The following STAB2 variants were observed in gnomAD, a reference collection of about 807,000 sequenced individuals.
STAB2 encodes stabilin 2, also known as stabilin-2.
STAB2 carries 288 observed loss-of-function variants against 338.1 expected under a neutral mutation model. The observed-to-expected ratio is 0.85, with a 90% confidence interval of 0.77 to 0.94. STAB2 has a LOEUF of 0.94. STAB2 is among the 40% of genes least tolerant of loss of function. STAB2 has a pLI of 0.00. For missense variants in STAB2, 3,141 were observed against 3,210.1 expected, an observed-to-expected ratio of 0.98 and a Z score of 0.52; for synonymous variants, 1,202 against 1,193.3, an observed-to-expected ratio of 1.01 and a Z score of -0.15.
intron 44 of STAB2, among the ~76,000 whole-genome samples, chr12:103,723,959 G>A (rs959779717): frequency 3.9e-5 from 6 of 152,188 alleles, no homozygotes; most frequent in African/African-American, 1.4e-4. Context: ...CTCAGGAGCA[G>A]TCAGTGCACT....
At chr12:103,699,546 T>C (rs1352973527) in intron 34 of STAB2, among the ~76,000 whole-genome samples, 1 of 152,102 alleles carries the variant, frequency 6.6e-6, no homozygotes, top group Admixed American at 6.5e-5. Context: ...TGAGACTTAT[T>C]CACTATCACG....
Position 103,670,722 on chromosome 12 carries a change from G to A in STAB2, c.2286G>A (p.Gly762=). ...GTGCAGATAGCCTCGGCGGCAACGG[G>A]ACATGCATTTGTGAGGAGGGCTTCC... ...GQCADSLGGN[G]TCICEEGFQG... The change falls in exon 22 of 69, where the codon GGG becomes GGA. Residue 762 remains glycine, a synonymous_variant. Coordinates refer to ENST00000388887, the MANE Select transcript of STAB2 (RefSeq NM_017564.10). The A allele has an allele frequency of 6.2e-7, 1 of 1,614,158 alleles. No individual in the cohort carries two copies. The highest frequency in any genetic ancestry group is 8.5e-7 in the Non-Finnish European group (1 of 1,180,000).
At chr12:103,669,281 T>C (rs1465289135) in intron 20 of STAB2, 4 of 418,592 alleles carry the variant, frequency 9.6e-6, no homozygotes, top group South Asian at 4.4e-5. Context: ...ACTTAGAACG[T>C]TGGCTCCACA....
chr12:103,694,372 C>T (rs979278582), intron 31 of STAB2, among the ~76,000 whole-genome samples: 5 of 152,080 alleles, frequency 3.3e-5, no homozygotes, highest in African/African-American at 1.2e-4. Context: ...ACCTTAAGCC[C>T]CTCCTCCCCC....
Position 103,638,121 on chromosome 12 carries a change from G to A in STAB2, c.815G>A (p.Gly272Asp), listed in dbSNP as rs748363692. 9.3e-6 allele frequency: 15 copies of A among 1,614,198 alleles called. No homozygotes were observed. The highest frequency in any genetic ancestry group is 1.3e-5 in the Non-Finnish European group (15 of 1,180,044). ...CTCQEGYRGD[G>D]QVCLPVDPCQ... is the part of the protein sequence containing the mutation. ...TGCCAAGAAGGCTACCGTGGGGATG[G>A]CCAAGTGTGCTTGCCTGTGGACCCC... is the stretch of plus-strand genomic sequence containing the variant. The change falls in exon 8 of 69, where the codon GGC becomes GAC. Residue 272 changes from glycine to aspartate, a missense_variant. Transcript: ENST00000388887.
At chr12:103,647,859 A>T (rs1046830325) in intron 9 of STAB2, among the ~76,000 whole-genome samples, 1 of 152,180 alleles carries the variant, frequency 6.6e-6, no homozygotes, top group Admixed American at 6.5e-5. Flanking sequence ...CATTGTTTAC[A>T]TATTTATTTC....
chr12:103,753,392 T>C lies in STAB2; in HGVS notation c.6714+39T>C, dbSNP rs1346001322. 3.7e-6 allele frequency: 6 copies of C among 1,613,752 alleles called. No homozygotes were observed. In the South Asian group the frequency reaches 5.5e-5, roughly 15 times the overall value. ...TAGCAGATTCTGTGCAGACAGAGTC[T>C]GCAGGGGCGGAAGTGCAGCCCTTTC... On this transcript the variant is annotated intron_variant, in intron 61 of 68. Transcript: ENST00000388887.
At position 103,748,921 on chromosome 12, in the gene STAB2, C is replaced by T. The variant is rs374834210; in HGVS notation, c.6245-42C>T. Reference sequence around the variant, plus strand: ...ACCCTGACCTGAAGCCCTAGTTCCACAGAAGGTGGTAAGTTGAGCCCTCTC... The same window carrying T: ...ACCCTGACCTGAAGCCCTAGTTCCATAGAAGGTGGTAAGTTGAGCCCTCTC... On this transcript the variant is annotated intron_variant, in intron 58 of 68. Transcript: ENST00000388887. The T allele has an allele frequency of 3.2e-6, 5 of 1,582,108 alleles. No homozygotes were observed. The African/African-American group carries it at 5.4e-5, about 17-fold the overall frequency.
chr12:103,719,089 G>A (rs1376581849), intron 44 of STAB2, among the ~76,000 whole-genome samples: 1 of 152,084 alleles, frequency 6.6e-6, no homozygotes, highest in African/African-American at 2.4e-5. Flanking sequence ...TCTCAAACTG[G>A]GCTAGTCGCC....
At chr12:103,752,447 C>T (rs941262837) in intron 60 of STAB2, among the ~76,000 whole-genome samples, 2 of 152,164 alleles carry the variant, frequency 1.3e-5, no homozygotes, top group Non-Finnish European at 2.9e-5. Context: ...ATACAATGAA[C>T]TTGACAATAT....
At chr12:103,618,002 A>G (rs1957237331) in intron 3 of STAB2, among the ~76,000 whole-genome samples, 1 of 152,198 alleles carries the variant, frequency 6.6e-6, no homozygotes, top group Admixed American at 6.5e-5. Context: ...CCTCCATAGT[A>G]CCTGCATGTT....
chr12:103,626,805 G>A (rs1413066480), intron 5 of STAB2, among the ~76,000 whole-genome samples: 1 of 152,148 alleles, frequency 6.6e-6, no homozygotes, highest in African/African-American at 2.4e-5. Flanking sequence ...AATCTTCTGT[G>A]GGGGCACTCT....
rs1337065988 is a variant in STAB2, at chr12:103,677,560, T to C, written c.2754T>C (p.Ser918=). 2.4e-5 allele frequency: 39 copies of C among 1,614,006 alleles called. No homozygotes were observed. Among genetic ancestry groups the C allele is most frequent in the Admixed American group, 5.0e-5 (3 of 60,010 alleles). Residue 918 remains serine (S), a synonymous_variant, in exon 25 of 69, where the codon AGT becomes AGC. Coordinates refer to ENST00000388887, the MANE Select transcript of STAB2 (RefSeq NM_017564.10). Reference sequence around the variant, plus strand: ...AGATCAACAACTGCCTGCTGCCCAGTGCAGGCGGCTGCCACGACAACGCAT... The same window carrying C: ...AGATCAACAACTGCCTGCTGCCCAGCGCAGGCGGCTGCCACGACAACGCAT... ...CSEINNCLLP[S]AGGCHDNASC...
intron 31 of STAB2, among the ~76,000 whole-genome samples, chr12:103,695,290 C>T (rs1050363262): frequency 1.8e-4 from 27 of 152,170 alleles, no homozygotes; most frequent in African/African-American, 6.0e-4. Flanking sequence ...GAAAGTCTTT[C>T]GTGCAAGAAG....
chr12:103,748,585 CACACACACACACACACACAT>C lies in STAB2; in HGVS notation c.6245-358_6245-339del, dbSNP rs1307786555. 0.021 allele frequency among the ~76,000 whole-genome samples: 681 copies of C among 33,024 alleles called. 19 individuals carry two copies. The East Asian group carries it at 0.29, about 14-fold the overall frequency. The allele number at this position is 33,024 out of a possible 152,430, so 21.7% of individuals were successfully genotyped here. A position where few individuals can be genotyped will look rare whatever the true frequency, so the allele number is the denominator to read the frequency against. ...GCTCAATATTGTACTAACTCTACAC[CACACACACACACACACACAT>C]ACACACACACACACACACACACACA... On this transcript the variant is annotated intron_variant, in intron 58 of 68. Coordinates refer to ENST00000388887, the MANE Select transcript of STAB2 (RefSeq NM_017564.10).
At position 103,637,225 on chromosome 12, in the gene STAB2, A is replaced by C. The variant is rs764506207; in HGVS notation, c.698A>C (p.Lys233Thr). ...KCLPNYRGDG[K>T]YCDPINPCLR... is the part of the protein sequence containing the mutation. ...CTTCCCAATTACCGAGGCGATGGCA[A>C]ATACTGCGACCGTGAGTAGAATTTA... Residue 233 changes from lysine (K) to threonine (T), a missense_variant, in exon 7 of 69, where the codon AAA becomes ACA. Lys to Thr is a moderately conservative substitution (Grantham distance 78). Coordinates refer to ENST00000388887, the MANE Select transcript of STAB2 (RefSeq NM_017564.10). The C allele has an allele frequency of 1.1e-5, 18 of 1,611,766 alleles. No homozygotes were observed. The highest frequency in any genetic ancestry group is 1.5e-5 in the Non-Finnish European group (18 of 1,179,334).
intron 11 of STAB2, 89 bp from the exon 12 acceptor site, chr12:103,652,467 G>C: frequency 7.8e-7 from 1 of 1,289,424 alleles, no homozygotes; most frequent in Non-Finnish European, 1.0e-6. Flanking sequence ...CCCTGGCTTT[G>C]ATGTCTTTGA....
intron 41 of STAB2, among the ~76,000 whole-genome samples, chr12:103,713,104 A>G (rs1472429059): frequency 3.9e-5 from 6 of 152,150 alleles, no homozygotes; most frequent in African/African-American, 7.2e-5. Context: ...TTGCATTATT[A>G]TTTTTATCTG....
chr12:103,597,597 A>C (rs1956896275), intron 3 of STAB2, among the ~76,000 whole-genome samples: 2 of 152,210 alleles, frequency 1.3e-5, no homozygotes, highest in South Asian at 4.1e-4. Flanking sequence ...GACATAAGGA[A>C]GGTATTTCTA....
Sources: gnomAD v4.1 joint callset for allele counts (sites outside exome capture counted in the v4.1 genomes callset) on GRCh38, gnomAD v4.1.1 for gene constraint, MANE v1.5 for transcripts, NCBI Gene and HGNC (gene_info 2026-07-23, HGNC 2026-07-21) for gene names.